Variants in ASAP1 observed in about 807,000 individuals in gnomAD.
The protein encoded by ASAP1 is ArfGAP with SH3 domain, ankyrin repeat and PH domain 1.
Under a neutral mutation model 145.2 loss-of-function variants are expected in ASAP1, and 43 were observed. The observed-to-expected ratio is 0.30, with a 90% CI of 0.23 to 0.38. ASAP1 has a LOEUF of 0.38. Ranked by LOEUF, ASAP1 falls within the 10% of genes least tolerant of loss-of-function variation. ASAP1 has a pLI of 1.00. For missense variants in ASAP1, 1,018 were observed against 1,355.3 expected (o/e 0.75, Z 3.91); for synonymous variants, 546 against 515.5 (o/e 1.06, Z -0.80).
intron 3 of ASAP1, among the ~76,000 whole-genome samples, chr8:130,298,492 T>C (rs1822423622): frequency 6.6e-6 from 1 of 152,164 alleles, no homozygotes; most frequent in Admixed American, 6.5e-5. Flanking sequence ...ACAAACACTG[T>C]TACCTTTCAT....
intron 26 of ASAP1, among the ~76,000 whole-genome samples, chr8:130,077,915 C>T (rs1251042240): frequency 6.6e-6 from 1 of 152,116 alleles, no homozygotes; most frequent in Non-Finnish European, 1.5e-5. Context: ...AAAGAGACTC[C>T]ATCTCAAAAG....
chr8:130,416,294 C>T (rs1829472415), intron 1 of ASAP1, among the ~76,000 whole-genome samples: 1 of 152,176 alleles, frequency 6.6e-6, no homozygotes, highest in African/African-American at 2.4e-5. Flanking sequence ...CCCCACACTC[C>T]GTCTCTTCCT....
intron 2 of ASAP1, among the ~76,000 whole-genome samples, chr8:130,394,555 C>A (rs1828436975): frequency 6.6e-6 from 1 of 152,182 alleles, no homozygotes; most frequent in African/African-American, 2.4e-5. Flanking sequence ...TTGTGATATT[C>A]TATTACCTTG....
At chr8:130,281,793 G>A (rs535517893) in intron 3 of ASAP1, among the ~76,000 whole-genome samples, 50 of 152,272 alleles carry the variant, frequency 3.3e-4, no homozygotes, top group Admixed American at 5.9e-4. Context: ...GAGGCTGGGC[G>A]CGGTGGCTCA....
intron 3 of ASAP1, among the ~76,000 whole-genome samples, chr8:130,330,110 A>G (rs1385403690): frequency 2.0e-5 from 3 of 152,212 alleles, no homozygotes; most frequent in Non-Finnish European, 2.9e-5. Context: ...CACGTCCCCA[A>G]CAAAACATAA....
chr8:130,215,202 T>C (rs1337471357), intron 4 of ASAP1, among the ~76,000 whole-genome samples: 1 of 152,044 alleles, frequency 6.6e-6, no homozygotes, highest in Non-Finnish European at 1.5e-5. Flanking sequence ...ACCTCGCCTT[T>C]CCCTTTTTCT....
At chr8:130,218,095 C>G (rs540808471) in intron 4 of ASAP1, among the ~76,000 whole-genome samples, 2 of 152,120 alleles carry the variant, frequency 1.3e-5, no homozygotes, top group South Asian at 4.1e-4. Flanking sequence ...GCCACACGAG[C>G]TCAACCGAGA....
chr8:130,392,700 A>T (rs1020829669), intron 2 of ASAP1, among the ~76,000 whole-genome samples: 1 of 152,190 alleles, frequency 6.6e-6, no homozygotes. Flanking sequence ...TTGCACAAGA[A>T]GCCAGCACCT....
chr8:130,253,594 G>T (rs2136888890), intron 3 of ASAP1, among the ~76,000 whole-genome samples: 1 of 152,204 alleles, frequency 6.6e-6, no homozygotes, highest in South Asian at 2.1e-4. Context: ...GGTCTACTGT[G>T]GTGTGGGAAG....
At chr8:130,197,582 A>C (rs750362229) in intron 5 of ASAP1, among the ~76,000 whole-genome samples, 1 of 152,246 alleles carries the variant, frequency 6.6e-6, no homozygotes, top group Non-Finnish European at 1.5e-5. Flanking sequence ...TAACTTGGCC[A>C]AACACACGCA....
chr8:130,333,939 AG>A (rs1267802573), intron 3 of ASAP1, among the ~76,000 whole-genome samples: 1 of 152,202 alleles, frequency 6.6e-6, no homozygotes, highest in African/African-American at 2.4e-5. Context: ...GTGTGCACAG[AG>A]CAGCTGGAGC....
intron 3 of ASAP1, among the ~76,000 whole-genome samples, chr8:130,256,837 A>G (rs898812016): frequency 4.2e-5 from 6 of 144,532 alleles, no homozygotes; most frequent in Non-Finnish European, 7.5e-5. Flanking sequence ...GAGTTATACT[A>G]TAAAGGGAGG....
chr8:130,251,372 A>G (rs1819187476), intron 3 of ASAP1, among the ~76,000 whole-genome samples: 2 of 152,176 alleles, frequency 1.3e-5, no homozygotes, highest in Admixed American at 6.5e-5. Context: ...GAGATGAGGT[A>G]GAGCCACTGC....
rs2097577271 is a variant in ASAP1, at chr8:130,127,782, G to GA, written c.1381+144dup. 4 of 960,340 alleles carry GA rather than the reference G, an allele frequency of 4.2e-6. No individual in the cohort carries two copies. The South Asian group carries it at 7.8e-5, about 19-fold the overall frequency. 59.5% of individuals were successfully genotyped at this position (960,340 alleles called of 1,614,324 possible). A position where few individuals can be genotyped will look rare whatever the true frequency, so the allele number is the denominator to read the frequency against. The stretch of plus-strand genomic sequence containing the variant: ...ATAGGTAAAAGCAGCTCAGCGGTAG[G>GA]AAAAATCACGTTGGGAATACGTGTT... On this transcript the variant is annotated intron_variant, in intron 16 of 29. Coordinates refer to ENST00000518721, the MANE Select transcript of ASAP1 (RefSeq NM_018482.4).
At chr8:130,059,911 C>G (rs1361933762) in intron 28 of ASAP1, among the ~76,000 whole-genome samples, 2 of 151,436 alleles carry the variant, frequency 1.3e-5, no homozygotes, top group African/African-American at 4.9e-5. Context: ...AACCCCATCT[C>G]TACCAAAAAT....
chr8:130,299,467 A>G (rs1258261545), intron 3 of ASAP1, among the ~76,000 whole-genome samples: 1 of 152,232 alleles, frequency 6.6e-6, no homozygotes, highest in East Asian at 1.9e-4. Flanking sequence ...TGTATGCCCA[A>G]CACTATATGG....
intron 3 of ASAP1, among the ~76,000 whole-genome samples, chr8:130,321,641 T>C (rs1041044004): frequency 4.2e-4 from 64 of 152,328 alleles, no homozygotes; most frequent in Middle Eastern, 6.8e-3. Flanking sequence ...GTGCATAGTT[T>C]GCACTCCTTT....
At chr8:130,164,988 T>C (rs1206646082) in intron 11 of ASAP1, among the ~76,000 whole-genome samples, 1 of 152,236 alleles carries the variant, frequency 6.6e-6, no homozygotes, top group African/African-American at 2.4e-5. Context: ...TATTCTGCAA[T>C]GAGTGATGAT....
At chr8:130,328,186 T>C (rs1027848554) in intron 3 of ASAP1, among the ~76,000 whole-genome samples, 1 of 151,922 alleles carries the variant, frequency 6.6e-6, no homozygotes, top group African/African-American at 2.4e-5. Flanking sequence ...TGGTACTAAA[T>C]GAGGAAATGA....
Sources: allele counts gnomAD v4.1 joint callset (sites outside exome capture counted in the v4.1 genomes callset), GRCh38; gene constraint gnomAD v4.1.1; transcripts MANE v1.5; gene names NCBI Gene and HGNC (gene_info 2026-07-23, HGNC 2026-07-21).